Variants in TECPR2 observed in about 807,000 individuals in gnomAD.
The protein encoded by TECPR2 is tectonin beta-propeller repeat-containing protein 2.
A neutral mutation model predicts 138.1 loss-of-function variants in TECPR2; 65 were observed. The observed-to-expected ratio is 0.47, with a 90% confidence interval of 0.39 to 0.58. TECPR2 has a LOEUF of 0.58. Among genes scored for constraint, TECPR2 ranks in the 20% least tolerant of loss-of-function variants. TECPR2 has a pLI of 0.00. For synonymous variants in TECPR2, 746 were observed against 749.8 expected, an observed-to-expected ratio of 0.99 and a Z score of 0.08; for missense variants, 1,553 against 1,824.5, an observed-to-expected ratio of 0.85 and a Z score of 2.71.
intron 10 of TECPR2, among the ~76,000 whole-genome samples, chr14:102,439,340 G>A (rs1889768673): frequency 6.6e-6 from 1 of 152,094 alleles, no homozygotes; most frequent in Non-Finnish European, 1.5e-5. Context: ...TGTGTTTCGG[G>A]ATGAATTTCC....
At chr14:102,412,063 T>A (rs368241550) in intron 4 of TECPR2, among the ~76,000 whole-genome samples, 1 of 152,058 alleles carries the variant, frequency 6.6e-6, no homozygotes, top group Non-Finnish European at 1.5e-5. Flanking sequence ...TGTAACATTA[T>A]GTATTGGTCA....
chr14:102,405,459 G>A, intron 2 of TECPR2, among the ~76,000 whole-genome samples: 1 of 152,070 alleles, frequency 6.6e-6, no homozygotes, highest in East Asian at 1.9e-4. Flanking sequence ...GGGCATGCAT[G>A]TCAAAACTAT....
chr14:102,410,339 C>T (rs928880630), intron 4 of TECPR2, among the ~76,000 whole-genome samples: 7 of 140,324 alleles, frequency 5.0e-5, no homozygotes, highest in African/African-American at 1.9e-4. Context: ...GCCGCAGGGT[C>T]CTCTGCCTAG....
At chr14:102,442,335 C>T (rs1344392715) in intron 11 of TECPR2, among the ~76,000 whole-genome samples, 4 of 152,222 alleles carry the variant, frequency 2.6e-5, no homozygotes, top group Non-Finnish European at 4.4e-5. Flanking sequence ...GGTTGAAGCT[C>T]TTGCACAGCT....
chr14:102,416,517 G>A (rs1889028803), intron 5 of TECPR2, among the ~76,000 whole-genome samples: 1 of 152,190 alleles, frequency 6.6e-6, no homozygotes, highest in Non-Finnish European at 1.5e-5. Context: ...TTATGGCCCT[G>A]CAGATCTTAG....
intron 17 of TECPR2, among the ~76,000 whole-genome samples, chr14:102,466,893 C>T (rs1890559083): frequency 6.6e-6 from 1 of 152,200 alleles, no homozygotes; most frequent in South Asian, 2.1e-4. Flanking sequence ...CTATTCTGGA[C>T]ATTTTATATA....
At chr14:102,389,754 G>A (rs1888114356) in intron 2 of TECPR2, among the ~76,000 whole-genome samples, 1 of 152,150 alleles carries the variant, frequency 6.6e-6, no homozygotes, top group South Asian at 2.1e-4. Context: ...CCTTTACCGG[G>A]AATTTGCCTT....
At chr14:102,412,788 G>A (rs1441823408) in intron 4 of TECPR2, among the ~76,000 whole-genome samples, 1 of 152,142 alleles carries the variant, frequency 6.6e-6, no homozygotes, top group Non-Finnish European at 1.5e-5. Context: ...CAGCAGAAGG[G>A]AGAATACAAA....
intron 4 of TECPR2, among the ~76,000 whole-genome samples, chr14:102,412,196 A>G (rs1422984064): frequency 3.4e-5 from 5 of 146,992 alleles, no homozygotes; most frequent in Admixed American, 1.4e-4. Context: ...CAGTGGTGCA[A>G]TCACGGCTCA....
At position 102,420,613 on chromosome 14, in the gene TECPR2, C is replaced by T. The variant is rs1889152928; in HGVS notation, c.639-4366C>T. 6.6e-6 allele frequency among the ~76,000 whole-genome samples: 1 copy of T among 152,160 alleles called. No individual in the cohort carries two copies. The highest frequency in any genetic ancestry group is 1.5e-5 in the Non-Finnish European group (1 of 68,032). The stretch of plus-strand genomic sequence containing the variant: ...TCAGCCTCCCGAGTAACTAGGACTA[C>T]AGGCACGCACCACCATGCCTGGCTA... On this transcript the variant is annotated intron_variant, in intron 5 of 19. Transcript: ENST00000359520. This position sits in a 1 kb window ranked among gnomAD's most constrained non-coding sequence, Gnocchi z 4.1.
intron 1 of TECPR2, among the ~76,000 whole-genome samples, chr14:102,370,657 A>C (rs1330795476): frequency 1.3e-5 from 2 of 152,224 alleles, no homozygotes; most frequent in African/African-American, 4.8e-5. Flanking sequence ...AGCAGGAGGA[A>C]GATGGGGACC....
At chr14:102,413,124 A>C (rs1265897726) in intron 4 of TECPR2, among the ~76,000 whole-genome samples, 1 of 152,000 alleles carries the variant, frequency 6.6e-6, no homozygotes, top group African/African-American at 2.4e-5. Context: ...TTTTCATGTA[A>C]TGGAAATTTC....
At chr14:102,480,452 C>T (rs1441296955) in intron 17 of TECPR2, among the ~76,000 whole-genome samples, 1 of 152,064 alleles carries the variant, frequency 6.6e-6, no homozygotes, top group Non-Finnish European at 1.5e-5. Flanking sequence ...TCTCGATCTC[C>T]TGACCTTGTG....
intron 17 of TECPR2, among the ~76,000 whole-genome samples, chr14:102,484,150 T>C (rs1890966904): frequency 6.6e-6 from 1 of 152,072 alleles, no homozygotes; most frequent in African/African-American, 2.4e-5. Flanking sequence ...ACTTTTCCTT[T>C]CTCTCCTGTT....
intron 13 of TECPR2, among the ~76,000 whole-genome samples, chr14:102,447,485 T>TC (rs1311843639): frequency 6.6e-6 from 1 of 152,180 alleles, no homozygotes; most frequent in Non-Finnish European, 1.5e-5. Context: ...TCCCACAGTC[T>TC]CCCACTGTGG....
At chr14:102,453,490 AAAG>A (rs1421652016) in intron 16 of TECPR2, among the ~76,000 whole-genome samples, 29 of 152,230 alleles carry the variant, frequency 1.9e-4, no homozygotes, top group South Asian at 8.3e-4. Context: ...AAAAAAAAAA[AAAG>A]AAGAAGAAAG....
chr14:102,443,653 G>T lies in TECPR2; in HGVS notation c.2759G>T (p.Ser920Ile), dbSNP rs1889893339. The T allele has an allele frequency of 6.3e-7, 1 of 1,587,174 alleles. No individual in the cohort carries two copies. The highest frequency in any genetic ancestry group is 8.6e-7 in the Non-Finnish European group (1 of 1,160,674). Residue 920 changes from serine to isoleucine, a missense_variant, in exon 12 of 20, where the codon AGC becomes ATC. Transcript: ENST00000359520. This position sits in a 1 kb window ranked among gnomAD's most constrained non-coding sequence, Gnocchi z 4.9. ...SGDLYLQTGL[S>I]VDRPCARAVK... is the part of the protein sequence containing the mutation. The stretch of plus-strand genomic sequence containing the variant: ...CTTCCCATCTTCCTGGCAGGTCTGA[G>T]CGTGGATCGCCCTTGTGCCAGAGCC...
chr14:102,407,987 A>G (rs570075215), intron 3 of TECPR2, among the ~76,000 whole-genome samples: 1 of 143,490 alleles, frequency 7.0e-6, no homozygotes, highest in South Asian at 2.2e-4. Flanking sequence ...ACAGAGGGAG[A>G]CTCCATCTAA....
intron 8 of TECPR2, 49 bp downstream of exon 8, chr14:102,432,177 G>T: frequency 6.9e-7 from 1 of 1,440,514 alleles, no homozygotes. Context: ...AGTCTTTCCA[G>T]ATTCTCTGGG....
Sources: gnomAD v4.1 joint callset for allele counts (sites outside exome capture counted in the v4.1 genomes callset) on GRCh38, gnomAD v4.1.1 for gene constraint, Gnocchi (gnomAD v3.1) non-coding constraint, MANE v1.5 for transcripts, NCBI Gene and HGNC (gene_info 2026-07-23, HGNC 2026-07-21) for gene names.